IL17B: variants seen among roughly 807,000 people sequenced by gnomAD.
IL17B encodes interleukin 17B.
Under a neutral mutation model 14.7 loss-of-function variants are expected in IL17B, and 14 were observed. That is an observed-to-expected ratio of 0.95 (90% CI 0.63 to 1.49). The LOEUF is 1.49. Ranked by LOEUF, IL17B falls within the 40% of genes most tolerant of loss-of-function variation. IL17B has a pLI of 0.00. For synonymous variants in IL17B, 105 were observed against 94.8 expected, an observed-to-expected ratio of 1.11 and a Z score of -0.62; for missense variants, 233 against 252.8, an observed-to-expected ratio of 0.92 and a Z score of 0.53.
intron 1 of IL17B, among the ~76,000 whole-genome samples, chr5:149,392,363 A>C (rs573371810): frequency 6.6e-6 from 1 of 152,342 alleles, no homozygotes; most frequent in East Asian, 1.9e-4. Flanking sequence ...GACTTATGGC[A>C]CTTCCGTGCA....
chr5:149,396,437 T>C (rs1759092689), intron 1 of IL17B, among the ~76,000 whole-genome samples: 1 of 152,176 alleles, frequency 6.6e-6, no homozygotes, highest in Non-Finnish European at 1.5e-5. Flanking sequence ...ATATAAGAAG[T>C]CTATCTTCTT....
At chr5:149,398,315 T>C (rs1294075876) in intron 1 of IL17B, among the ~76,000 whole-genome samples, 2 of 152,252 alleles carry the variant, frequency 1.3e-5, no homozygotes, top group African/African-American at 2.4e-5. Context: ...AGGATTATCA[T>C]GTTTGAGATT....
intron 2 of IL17B, among the ~76,000 whole-genome samples, chr5:149,375,996 A>C (rs1394033650): frequency 2.0e-5 from 3 of 152,240 alleles, no homozygotes. Flanking sequence ...ATCATCACAG[A>C]AAGTTCTGGT....
chr5:149,380,629 C>T (rs565009663), upstream of IL17B, among the ~76,000 whole-genome samples: 4 of 152,282 alleles, frequency 2.6e-5, no homozygotes, highest in African/African-American at 7.2e-5. Context: ...CCAATGTAAG[C>T]GGGCACATCC....
In IL17B at chr5:149,379,292, T is replaced by C. The variant is rs1359300863; in HGVS notation, c.-67A>G. On this transcript the variant is annotated 5_prime_UTR_variant, in exon 1 of 3. Transcript: ENST00000261796. Reference sequence around the variant, plus strand: ...GGAACCCCAGATGCCGCCGAGAGAATGGCAGCAACAGGATGGAGCGAAGCA... The same window carrying C: ...GGAACCCCAGATGCCGCCGAGAGAACGGCAGCAACAGGATGGAGCGAAGCA... 17 of 1,596,670 alleles carry C rather than the reference T, an allele frequency of 1.1e-5. No homozygotes were observed. The highest frequency in any genetic ancestry group is 1.4e-5 in the Non-Finnish European group (16 of 1,165,974).
At chr5:149,377,914 C>T (rs545107725) in intron 1 of IL17B, among the ~76,000 whole-genome samples, 19 of 152,218 alleles carry the variant, frequency 1.2e-4, no homozygotes, top group African/African-American at 3.1e-4. Context: ...GAGGCCGAGG[C>T]GGGCAGATCA....
At chr5:149,378,212 G>T (rs973828619) in intron 1 of IL17B, among the ~76,000 whole-genome samples, 4 of 152,152 alleles carry the variant, frequency 2.6e-5, no homozygotes, top group Non-Finnish European at 4.4e-5. Context: ...AGGAAGAGGG[G>T]ATGAGATGAA....
chr5:149,388,437 A>G (rs900098131), intron 1 of IL17B, among the ~76,000 whole-genome samples: 5 of 152,330 alleles, frequency 3.3e-5, no homozygotes. Context: ...CAAGCTCAAC[A>G]GGATCATCAG....
chr5:149,376,874 C>T lies in IL17B; in HGVS notation c.173G>A (p.Arg58His), dbSNP rs758090942. 5.9e-5 allele frequency: 95 copies of T among 1,614,164 alleles called. No homozygotes were observed. Among genetic ancestry groups the T allele is most frequent in the Middle Eastern group, 4.9e-4 (3 of 6,062 alleles). The change falls in exon 2 of 3, where the codon CGC becomes CAC. Residue 58 changes from arginine (R) to histidine (H), a missense_variant. By Grantham distance (29) the Arg-to-His change is conservative (BLOSUM62 0). Coordinates refer to ENST00000261796, the MANE Select transcript of IL17B (RefSeq NM_014443.3). ...DLVSRMKPYA[R>H]MEEYERNIEE... is the part of the protein sequence containing the mutation. The stretch of plus-strand genomic sequence containing the variant: ...GATGTTCCTCTCATACTCCTCCATG[C>T]GGGCATACGGTTTCATCCGTGACAC...
intron 1 of IL17B, among the ~76,000 whole-genome samples, chr5:149,395,346 G>A (rs1458815688): frequency 6.6e-6 from 1 of 152,126 alleles, no homozygotes; most frequent in Non-Finnish European, 1.5e-5. Context: ...ACATGCATGT[G>A]TCTTTATGGT....
rs1491235916 is a variant in IL17B, at chr5:149,390,630, C to CACACAGAG, written n.95+13477_95+13478insCTCTGTGT. 2.1e-3 allele frequency among the ~76,000 whole-genome samples: 278 copies of CACACAGAG among 132,062 alleles called. 1 individual carries two copies. The highest frequency in any genetic ancestry group is 5.4e-3 in the African/African-American group (186 of 34,572). The allele number at this position is 132,062 out of a possible 152,430, so 86.6% of individuals were successfully genotyped here. A position where few individuals can be genotyped will look rare whatever the true frequency, so the allele number is the denominator to read the frequency against. Reference sequence around the variant, plus strand: ...ACACACACACACACACACACACACACAGAGATACACAAGGCCCTCCAAGTC... The same window carrying CACACAGAG: ...ACACACACACACACACACACACACACACACAGAGAGAGATACACAAGGCCCTCCAAGTC... On this transcript the variant is annotated intron_variant and non_coding_transcript_variant, in intron 1 of 2. Coordinates refer to the IL17B transcript ENST00000505432.
chr5:149,390,059 A>G (rs1758906234), intron 1 of IL17B, among the ~76,000 whole-genome samples: 1 of 152,194 alleles, frequency 6.6e-6, no homozygotes, highest in African/African-American at 2.4e-5. Context: ...AGTTGCTCCC[A>G]GTTGGAAATC....
chr5:149,383,352 T>G (rs1758748038), upstream of IL17B, among the ~76,000 whole-genome samples: 1 of 152,206 alleles, frequency 6.6e-6, no homozygotes, highest in Non-Finnish European at 1.5e-5. Flanking sequence ...AGCAGAAGAA[T>G]GCAAAGGTGC....
rs1048980812 is a variant in IL17B at position 149,374,901 on chromosome 5, G to A, written c.312-301C>T. 3 of 314,166 alleles carry A rather than the reference G, an allele frequency of 9.5e-6. No homozygotes were observed. The highest frequency in any genetic ancestry group is 4.5e-5 in the Admixed American group (1 of 22,434). 19.5% of individuals were successfully genotyped at this position (314,166 alleles called of 1,614,324 possible). ...GTTGCGCTGTGGGGATTGTGGAGTA[G>A]CCCTCTACCACCTAGGGCCCTCATG... On this transcript the variant is annotated intron_variant, in intron 2 of 2. Transcript: ENST00000261796. The surrounding 1 kb of genome is among the most constrained non-coding windows in gnomAD (Gnocchi z 5.0).
intron 1 of IL17B, among the ~76,000 whole-genome samples, chr5:149,400,933 G>C (rs934151376): frequency 2.0e-5 from 3 of 152,152 alleles, no homozygotes; most frequent in Admixed American, 6.5e-5. Flanking sequence ...TTCTAGTCAG[G>C]CTCTCGATGG....
At chr5:149,376,451 G>A (rs1758537716) in intron 2 of IL17B, among the ~76,000 whole-genome samples, 2 of 152,220 alleles carry the variant, frequency 1.3e-5, no homozygotes, top group Admixed American at 1.3e-4. Flanking sequence ...AGCCTTGCAG[G>A]CACTTCCATG....
chr5:149,383,610 C>T (rs1158658060), upstream of IL17B, among the ~76,000 whole-genome samples: 3 of 152,222 alleles, frequency 2.0e-5, no homozygotes, highest in Non-Finnish European at 4.4e-5. Context: ...CAAATGCTTG[C>T]CTCGCTGCTC....
chr5:149,374,436 C>T lies in IL17B; in HGVS notation c.476G>A (p.Arg159His), dbSNP rs138991563. Reference sequence around the variant, plus strand: ...TGCGCGCTGGCGGCAAGGCCCTGTGCGGGGCGGTGGCGGGCAGAGGCGGCG... The same window carrying T: ...TGCGCGCTGGCGGCAAGGCCCTGTGTGGGGCGGTGGCGGGCAGAGGCGGCG... Reference protein sequence around the residue: ...VRRRLCPPPPRTGPCRQRAVM... With the variant: ...VRRRLCPPPPHTGPCRQRAVM... Residue 159 changes from arginine to histidine, a missense_variant, in exon 3 of 3, where the codon CGC (arginine) becomes CAC (histidine). Transcript: ENST00000261796. This position sits in a 1 kb window ranked among gnomAD's most constrained non-coding sequence, Gnocchi z 5.0. 282 of 1,609,024 alleles carry T rather than the reference C, an allele frequency of 1.8e-4. No individual in the cohort carries two copies. The highest frequency in any genetic ancestry group is 3.8e-5 in the Non-Finnish European group (45 of 1,179,418).
intron 1 of IL17B, among the ~76,000 whole-genome samples, chr5:149,403,002 C>CAAA (rs36121550): frequency 6.6e-5 from 4 of 60,584 alleles, no homozygotes; most frequent in African/African-American, 6.2e-5. Flanking sequence ...GACTCCATCT[C>CAAA]AAAAAAAAAA....
Sources: allele counts gnomAD v4.1 joint callset (sites outside exome capture counted in the v4.1 genomes callset), GRCh38; gene constraint gnomAD v4.1.1; non-coding constraint Gnocchi (gnomAD v3.1); transcripts MANE v1.5; gene names NCBI Gene and HGNC (gene_info 2026-07-23, HGNC 2026-07-21).